PIK3R6: variants seen among roughly 807,000 people sequenced by gnomAD.
The protein encoded by PIK3R6 is phosphoinositide 3-kinase regulatory subunit 6.
A neutral mutation model predicts 84.9 loss-of-function variants in PIK3R6; 91 were observed. The observed-to-expected ratio is 1.07, with a 90% confidence interval of 0.90 to 1.28. The LOEUF is 1.28. PIK3R6 is among the 50% of genes most tolerant of loss of function. PIK3R6 has a pLI of 0.00. For synonymous variants in PIK3R6, 416 were observed against 411.4 expected (o/e 1.01, Z -0.13); for missense variants, 996 against 985.1 (o/e 1.01, Z -0.15).
In PIK3R6 at chr17:8,828,189, T is replaced by C; in HGVS notation, c.1315A>G (p.Lys439Glu). The C allele has an allele frequency of 6.2e-7, 1 of 1,613,920 alleles. No homozygotes were observed. Among genetic ancestry groups the C allele is most frequent in the Non-Finnish European group, 8.5e-7 (1 of 1,179,824 alleles). ...AGGCAGAACTTCTGGGTCTCCCGTT[T>C]CCTAGCAATGGGCAGCAAAGCAGAG... ...RLAQAYHRLR[K>E]RETQKFCLTP... The change falls in exon 12 of 20, where the codon AAA becomes GAA. Residue 439 changes from lysine (K) to glutamate (E), a missense_variant and splice_region_variant. Physicochemically the swap from Lys to Glu is moderately conservative, Grantham distance 56. Coordinates refer to ENST00000619866, the MANE Select transcript of PIK3R6 (RefSeq NM_001010855.4).
chr17:8,804,021 G>A lies in PIK3R6; in HGVS notation c.2108+20C>T. On this transcript the variant is annotated intron_variant, in intron 19 of 19. Coordinates refer to ENST00000619866, the MANE Select transcript of PIK3R6 (RefSeq NM_001010855.4). Reference sequence around the variant, plus strand: ...GTCCCACGGGCCCTGGACATCTAGGGTTGGCAGGCCCAGCCTCACCTGACC... The same window carrying A: ...GTCCCACGGGCCCTGGACATCTAGGATTGGCAGGCCCAGCCTCACCTGACC... 6.3e-7 allele frequency: 1 copy of A among 1,599,038 alleles called. No individual in the cohort carries two copies. Among genetic ancestry groups the A allele is most frequent in the South Asian group, 1.1e-5 (1 of 90,632 alleles).
chr17:8,819,098 C>T lies in PIK3R6; in HGVS notation c.1980G>A (p.Ala660=), dbSNP rs747226666. ...VTEVVKSSNL[A]GKSFSTVTNT... ...CAGTACTTACAGAGAAGGACTTTCC[C>T]GCCAAGTTGGAGGACTTGACAACCT... is the stretch of plus-strand genomic sequence containing the variant. Residue 660 remains alanine, a synonymous_variant, in exon 18 of 20, where the codon GCG becomes GCA. Coordinates refer to ENST00000619866, the MANE Select transcript of PIK3R6 (RefSeq NM_001010855.4). 31 of 1,603,136 alleles carry T rather than the reference C, an allele frequency of 1.9e-5. No individual in the cohort carries two copies. The East Asian group carries it at 2.9e-4, about 15-fold the overall frequency.
chr17:8,821,125 C>T (rs1020160460), intron 17 of PIK3R6, among the ~76,000 whole-genome samples: 1 of 152,196 alleles, frequency 6.6e-6, no homozygotes, highest in African/African-American at 2.4e-5. Flanking sequence ...AAATGATCTT[C>T]TACAAGCATC....
In PIK3R6 at chr17:8,829,769, G is replaced by A. The variant is rs768626464; in HGVS notation, c.826C>T (p.Pro276Ser). Residue 276 changes from proline to serine, a missense_variant, in exon 10 of 20, where the codon CCA becomes TCA. Pro to Ser is a moderately conservative substitution (Grantham distance 74, BLOSUM62 -1). Coordinates refer to ENST00000619866, the MANE Select transcript of PIK3R6 (RefSeq NM_001010855.4). ...TAGGGGCTGGGCAGGGGAATGCTTG[G>A]TGGCCGCTCTTGGACAAGGTCACCT... is the stretch of plus-strand genomic sequence containing the variant. ...CGGDLVQERP[P>S]SIPLPSPYIT... 3.9e-6 allele frequency: 6 copies of A among 1,552,374 alleles called. No individual in the cohort carries two copies. Among genetic ancestry groups the A allele is most frequent in the Non-Finnish European group, 5.2e-6 (6 of 1,147,664 alleles).
At chr17:8,805,060 G>C (rs1203480412) in intron 18 of PIK3R6, among the ~76,000 whole-genome samples, 1 of 152,168 alleles carries the variant, frequency 6.6e-6, no homozygotes, top group Admixed American at 6.5e-5. Context: ...GTTCACACGT[G>C]TCCAGGCATT....
chr17:8,826,966 A>G (rs962583872), intron 13 of PIK3R6, among the ~76,000 whole-genome samples: 1 of 152,048 alleles, frequency 6.6e-6, no homozygotes, highest in Non-Finnish European at 1.5e-5. Context: ...CAAAGCCACT[A>G]TCTGGTTAGG....
chr17:8,829,584 TGA>T, intron 10 of PIK3R6, 120 bp downstream of exon 10: 5 of 926,826 alleles, frequency 5.4e-6, no homozygotes, highest in Non-Finnish European at 7.8e-6. Flanking sequence ...ACAGACACAC[TGA>T]CACACACTCA....
At position 8,803,178 on chromosome 17, in the gene PIK3R6, CGT is replaced by C; in HGVS notation, c.*93_*94del. ...GGCTCCTGGTCAAGGCCAAAGCTGC[CGT>C]GTGGAGCCGGGCCTTGCTCTGGCTG... On this transcript the variant is annotated 3_prime_UTR_variant, in exon 20 of 20. Coordinates refer to ENST00000619866, the MANE Select transcript of PIK3R6 (RefSeq NM_001010855.4). The surrounding 1 kb of genome is among the most constrained non-coding windows in gnomAD (Gnocchi z 5.0). The C allele has an allele frequency of 6.6e-7, 1 of 1,514,612 alleles. No individual in the cohort carries two copies. The highest frequency in any genetic ancestry group is 2.3e-5 in the East Asian group (1 of 43,950). The allele number at this position is 1,514,612 out of a possible 1,614,324, so 93.8% of individuals were successfully genotyped here.
chr17:8,850,191 G>C (rs374495208), intron 1 of PIK3R6, among the ~76,000 whole-genome samples: 2 of 151,982 alleles, frequency 1.3e-5, no homozygotes, highest in East Asian at 3.9e-4. Context: ...TGTAATTCCA[G>C]CTACTCAGGA....
chr17:8,829,974 G>A (rs2088177661), intron 9 of PIK3R6, among the ~76,000 whole-genome samples, 182 bp from the exon 10 acceptor site: 1 of 152,210 alleles, frequency 6.6e-6, no homozygotes, highest in Non-Finnish European at 1.5e-5. Flanking sequence ...CAGTGCAGCT[G>A]TCCCCTCCCT....
At chr17:8,852,256 C>G (rs544503810) in intron 1 of PIK3R6, among the ~76,000 whole-genome samples, 2 of 152,242 alleles carry the variant, frequency 1.3e-5, no homozygotes, top group South Asian at 4.1e-4. Flanking sequence ...GAATTATATA[C>G]TTAAAAATGG....
Position 8,821,841 on chromosome 17 carries a change from C to A in PIK3R6, c.1879+5G>T. 6.3e-7 allele frequency: 1 copy of A among 1,587,608 alleles called. No homozygotes were observed. Among genetic ancestry groups the A allele is most frequent in the East Asian group, 2.3e-5 (1 of 43,760 alleles). On this transcript the variant is annotated splice_donor_5th_base_variant and intron_variant, in intron 17 of 19. Transcript: ENST00000619866. ...TTTCTTTGCTCTGCATTCCCCATTC[C>A]TCACCTTCTGTGTCGCTGGCTGGAA...
chr17:8,827,742 GGAGAGAGAGAGAGAGAGAGAGGAGAGAGA>G lies in PIK3R6; in HGVS notation c.1392+341_1392+369del, dbSNP rs1267337945. Among the ~76,000 whole-genome samples, 154 of 90,918 alleles carry G rather than the reference GGAGAGAGAGAGAGAGAGAGAGGAGAGAGA, an allele frequency of 1.7e-3. 3 individuals are homozygous for G. Among genetic ancestry groups the G allele is most frequent in the African/African-American group, 4.3e-3 (93 of 21,580 alleles). The allele number at this position is 90,918 out of a possible 152,430, so 59.6% of individuals were successfully genotyped here. A position where few individuals can be genotyped will look rare whatever the true frequency, so the allele number is the denominator to read the frequency against. ...TGTGTATGAGAGAGGGGAGGGAAGG[GGAGAGAGAGAGAGAGAGAGAGGAGAGAGA>G]GAGAGAGAGAGAGAGAGAGAGAGAG... On this transcript the variant is annotated intron_variant, in intron 12 of 19. Coordinates refer to ENST00000619866, the MANE Select transcript of PIK3R6 (RefSeq NM_001010855.4).
chr17:8,831,000 G>C (rs1394161296), intron 9 of PIK3R6, among the ~76,000 whole-genome samples: 1 of 152,006 alleles, frequency 6.6e-6, no homozygotes, highest in Non-Finnish European at 1.5e-5. Context: ...AAAAAAATTA[G>C]CTGGGCATGG....
chr17:8,840,267 A>AAT (rs1312808258), intron 2 of PIK3R6, among the ~76,000 whole-genome samples: 2 of 145,626 alleles, frequency 1.4e-5, no homozygotes, highest in African/African-American at 5.2e-5. Context: ...ACAGCCTACA[A>AAT]ATATGTATAT....
chr17:8,829,685 G>T, intron 10 of PIK3R6, 21 bp downstream of exon 10: 1 of 1,547,724 alleles, frequency 6.5e-7, no homozygotes, highest in South Asian at 1.2e-5. Flanking sequence ...ACTGTTTCCA[G>T]ACAGCTCCAT....
At chr17:8,826,782 C>T (rs973380458) in intron 13 of PIK3R6, among the ~76,000 whole-genome samples, 14 of 151,788 alleles carry the variant, frequency 9.2e-5, no homozygotes, top group East Asian at 3.9e-4. Flanking sequence ...TATCCCAGAA[C>T]GTGAAGTAAA....
intron 18 of PIK3R6, among the ~76,000 whole-genome samples, chr17:8,805,290 T>C (rs950447376): frequency 3.9e-5 from 6 of 152,194 alleles, no homozygotes; most frequent in African/African-American, 1.4e-4. Flanking sequence ...AGATAGTATA[T>C]ATTAAGTGCT....
Position 8,828,635 on chromosome 17 carries a change from T to A in PIK3R6, c.1245A>T (p.Thr415=). The A allele has an allele frequency of 6.2e-7, 1 of 1,613,398 alleles. No individual in the cohort carries two copies. Among genetic ancestry groups the A allele is most frequent in the Non-Finnish European group, 8.5e-7 (1 of 1,179,712 alleles). The part of the protein sequence containing the change: ...EMLPGVSRLH[T]ARVLVLGDDR... ...CATCTCCGAGCACAAGTACCCGGGC[T>A]GTGTGCAGCCGGGACACGCCGGGCA... The change falls in exon 11 of 20, where the codon ACA becomes ACT. Residue 415 remains threonine (T), a synonymous_variant. Coordinates refer to ENST00000619866, the MANE Select transcript of PIK3R6 (RefSeq NM_001010855.4).
Sources: allele counts gnomAD v4.1 joint callset (sites outside exome capture counted in the v4.1 genomes callset), GRCh38; gene constraint gnomAD v4.1.1; non-coding constraint Gnocchi (gnomAD v3.1); transcripts MANE v1.5; gene names NCBI Gene and HGNC (gene_info 2026-07-23, HGNC 2026-07-21).